The following CSMD1 variants were observed in gnomAD, a reference collection of about 807,000 sequenced individuals.
The protein encoded by CSMD1 is CUB and sushi domain-containing protein 1.
CSMD1 carries 213 observed loss-of-function variants against 417.5 expected under a neutral mutation model. That is an observed-to-expected ratio of 0.51 (90% CI 0.46 to 0.57). The LOEUF (loss-of-function observed/expected upper bound fraction) is 0.57, where lower values mean the gene tolerates loss of function less well. Among genes scored for constraint, CSMD1 ranks in the 20% least tolerant of loss-of-function variants. CSMD1 has a pLI of 0.00. For synonymous variants in CSMD1, 2,862 were observed against 1,736.8 expected, an observed-to-expected ratio of 1.65 and a Z score of -16.11; for missense variants, 6,923 against 4,529.7, an observed-to-expected ratio of 1.53 and a Z score of -15.17.
chr8:3,723,248 G>C (rs1403864656), intron 6 of CSMD1, among the ~76,000 whole-genome samples: 1 of 152,098 alleles, frequency 6.6e-6, no homozygotes, highest in Non-Finnish European at 1.5e-5. Flanking sequence ...CATCAACAAT[G>C]CAACGGGGAC....
intron 54 of CSMD1, among the ~76,000 whole-genome samples, chr8:2,992,282 G>C (rs1806463343): frequency 6.6e-6 from 1 of 152,150 alleles, no homozygotes; most frequent in South Asian, 2.1e-4. Flanking sequence ...GACTGCTTAT[G>C]GGCTTAGCGT....
intron 1 of CSMD1, among the ~76,000 whole-genome samples, chr8:4,864,025 A>C (rs1164867296): frequency 6.6e-6 from 1 of 152,074 alleles, no homozygotes; most frequent in East Asian, 1.9e-4. Flanking sequence ...GCTTTACATT[A>C]ATAGCATGTT....
intron 69 of CSMD1, among the ~76,000 whole-genome samples, chr8:2,941,784 A>G (rs1432251048): frequency 6.6e-6 from 1 of 152,246 alleles, no homozygotes; most frequent in African/African-American, 2.4e-5. Context: ...AAAGAAATCA[A>G]TGAAACATCT....
intron 25 of CSMD1, among the ~76,000 whole-genome samples, chr8:3,307,390 G>A (rs1314256960): frequency 6.9e-6 from 1 of 144,444 alleles, no homozygotes. Flanking sequence ...GATCAGAACA[G>A]CCCAGGCAAC....
intron 26 of CSMD1, among the ~76,000 whole-genome samples, chr8:3,233,340 G>T (rs73185512): frequency 0.15 from 22,848 of 152,128 alleles, 1,941 homozygotes; most frequent in East Asian, 0.25. Context: ...TCAGCCCCTC[G>T]CCAGGCGATG....
chr8:4,051,283 A>G lies in CSMD1; in HGVS notation c.416-19184T>C, dbSNP rs991450591. Among the ~76,000 whole-genome samples, 4 of 148,294 alleles carry G rather than the reference A, an allele frequency of 2.7e-5. No homozygotes were observed. The Admixed American group carries it at 2.7e-4, about 10-fold the overall frequency. On this transcript the variant is annotated intron_variant, in intron 3 of 69. Coordinates refer to ENST00000635120, the MANE Select transcript of CSMD1 (RefSeq NM_033225.6). ...TCAACAGTTTTACAAAGCCTGCACA[A>G]AAGCTCATCTAAGTTTTGAAGACTC...
chr8:4,715,606 G>A (rs1190699304), intron 1 of CSMD1, among the ~76,000 whole-genome samples: 1 of 152,116 alleles, frequency 6.6e-6, no homozygotes. Context: ...AAAATTTAAC[G>A]TGAACAAAAA....
intron 5 of CSMD1, among the ~76,000 whole-genome samples, chr8:3,824,063 T>C (rs1056053374): frequency 6.6e-6 from 1 of 152,152 alleles, no homozygotes; most frequent in African/African-American, 2.4e-5. Context: ...TTCTTCATCC[T>C]GGTGATTTGT....
intron 7 of CSMD1, among the ~76,000 whole-genome samples, chr8:3,643,951 T>G (rs1260066613): frequency 6.6e-6 from 1 of 152,182 alleles, no homozygotes; most frequent in Non-Finnish European, 1.5e-5. Flanking sequence ...GGATGAAATG[T>G]GGTAGATAGG....
chr8:4,493,672 G>C (rs1207063546), intron 2 of CSMD1, among the ~76,000 whole-genome samples: 1 of 152,134 alleles, frequency 6.6e-6, no homozygotes, highest in South Asian at 2.1e-4. Context: ...TCCAGATCGA[G>C]TGAGAGAGTG....
intron 1 of CSMD1, among the ~76,000 whole-genome samples, chr8:4,901,930 C>G (rs1804897028): frequency 6.6e-6 from 1 of 152,090 alleles, no homozygotes; most frequent in African/African-American, 2.4e-5. Flanking sequence ...GATTGTCAGT[C>G]AGATATTGAT....
chr8:3,776,614 G>T lies in CSMD1; in HGVS notation c.819-22572C>A, dbSNP rs972475310. 2.0e-5 allele frequency among the ~76,000 whole-genome samples: 3 copies of T among 152,012 alleles called. No individual in the cohort carries two copies. The East Asian group carries it at 5.8e-4, about 29-fold the overall frequency. On this transcript the variant is annotated intron_variant, in intron 5 of 69. Transcript: ENST00000635120. ...ACTTTTGTTAAATCTCATTGACATTGTAGACTCCATATCCAGCCATCACCA... is the reference window on the plus strand; with the variant it reads ...ACTTTTGTTAAATCTCATTGACATTTTAGACTCCATATCCAGCCATCACCA...
chr8:4,993,709 G>A (rs1400662939), intron 1 of CSMD1, among the ~76,000 whole-genome samples: 1 of 152,216 alleles, frequency 6.6e-6, no homozygotes, highest in African/African-American at 2.4e-5. Context: ...AACTTGCAAG[G>A]AGCGAAGTCC....
chr8:3,605,209 C>T (rs879489699), intron 8 of CSMD1, among the ~76,000 whole-genome samples: 3 of 152,184 alleles, frequency 2.0e-5, no homozygotes, highest in Admixed American at 2.0e-4. Context: ...CTAGGCTGGT[C>T]TCGAGCTCCT....
chr8:4,892,161 T>C (rs1051364188), intron 1 of CSMD1, among the ~76,000 whole-genome samples: 4 of 152,118 alleles, frequency 2.6e-5, no homozygotes, highest in Non-Finnish European at 2.9e-5. Context: ...TTGAACAAAG[T>C]AGTTTCATTA....
intron 18 of CSMD1, among the ~76,000 whole-genome samples, chr8:3,382,031 G>C (rs1043682096): frequency 1.3e-5 from 2 of 152,148 alleles, no homozygotes. Context: ...GCCGAGGCAG[G>C]CAGATTACCT....
intron 1 of CSMD1, among the ~76,000 whole-genome samples, chr8:4,882,279 C>T (rs547602522): frequency 6.6e-6 from 1 of 151,912 alleles, no homozygotes; most frequent in South Asian, 2.1e-4. Context: ...CCTCCCACCT[C>T]TCTAACTCAC....
intron 3 of CSMD1, among the ~76,000 whole-genome samples, chr8:4,068,723 C>T (rs139208555): frequency 2.6e-5 from 4 of 152,046 alleles, no homozygotes; most frequent in Admixed American, 1.3e-4. Flanking sequence ...AAAGAAATAA[C>T]TATGCCTGCG....
intron 2 of CSMD1, among the ~76,000 whole-genome samples, chr8:4,464,124 T>A (rs1800005420): frequency 2.0e-5 from 3 of 150,540 alleles, no homozygotes; most frequent in African/African-American, 7.4e-5. Context: ...CTCAGAACCT[T>A]GAGTCGAAGG....
Sources: allele counts gnomAD v4.1 joint callset (sites outside exome capture counted in the v4.1 genomes callset), GRCh38; gene constraint gnomAD v4.1.1; transcripts MANE v1.5; gene names NCBI Gene and HGNC (gene_info 2026-07-23, HGNC 2026-07-21).